The following HPCAL1 variants were observed in gnomAD, a reference collection of about 807,000 sequenced individuals.
The protein encoded by HPCAL1 is hippocalcin-like protein 1.
HPCAL1 carries 8 observed loss-of-function variants against 17.1 expected under a neutral mutation model. That is an observed-to-expected ratio of 0.47 (90% CI 0.27 to 0.84). The LOEUF (loss-of-function observed/expected upper bound fraction) is 0.84. Among genes scored for constraint, HPCAL1 ranks in the 40% least tolerant of loss-of-function variants. The pLI is 0.13. For synonymous variants in HPCAL1, 112 were observed against 111.4 expected, an observed-to-expected ratio of 1.01 and a Z score of -0.03; for missense variants, 165 against 271.1, an observed-to-expected ratio of 0.61 and a Z score of 2.75.
Position 10,426,862 on chromosome 2 carries a change from T to C in HPCAL1, c.*41T>C, listed in dbSNP as rs768560916. The C allele has an allele frequency of 3.9e-6, 6 of 1,542,814 alleles. No homozygotes were observed. In the African/African-American group the frequency reaches 6.8e-5, roughly 17 times the overall value. On this transcript the variant is annotated 3_prime_UTR_variant, in exon 5 of 5. Coordinates refer to ENST00000307845, the MANE Select transcript of HPCAL1 (RefSeq NM_002149.4). ...ACAGTTGCAGAGAAACACAGGCTTG[T>C]CGTGCCGTTTAAGCTTTGCTTGCAA...
intron 2 of HPCAL1, among the ~76,000 whole-genome samples, chr2:10,415,895 C>T (rs747402871): frequency 1.3e-5 from 2 of 152,248 alleles, no homozygotes; most frequent in African/African-American, 4.8e-5. Context: ...TCCATGGGCT[C>T]TGCGTGTGTA....
chr2:10,425,163 AGGAACTGGAAGTGG>A (rs1366451069), intron 4 of HPCAL1: 1 of 156,136 alleles, frequency 6.4e-6, no homozygotes, highest in Non-Finnish European at 1.4e-5. Flanking sequence ...GCCTGGGGTC[AGGAACTGGAAGTGG>A]GGAGGCTGGG....
intron 1 of HPCAL1, among the ~76,000 whole-genome samples, chr2:10,379,446 G>A (rs1667801301): frequency 6.6e-6 from 1 of 151,920 alleles, no homozygotes; most frequent in Non-Finnish European, 1.5e-5. Context: ...TTCTTGGTGG[G>A]CTGGGCTGGG....
intron 1 of HPCAL1, among the ~76,000 whole-genome samples, chr2:10,355,877 C>T (rs1348735418): frequency 6.6e-6 from 1 of 152,024 alleles, no homozygotes; most frequent in African/African-American, 2.4e-5. Flanking sequence ...AAACTGGTAC[C>T]TACTTTCCTC....
At chr2:10,373,595 T>TG (rs1259110247) in intron 1 of HPCAL1, among the ~76,000 whole-genome samples, 2 of 152,126 alleles carry the variant, frequency 1.3e-5, no homozygotes, top group South Asian at 2.1e-4. Context: ...TTTTGTTTTT[T>TG]TATGTTTCAG....
At chr2:10,391,282 G>A (rs966789791) in intron 1 of HPCAL1, among the ~76,000 whole-genome samples, 34 of 152,160 alleles carry the variant, frequency 2.2e-4, no homozygotes, top group African/African-American at 8.0e-4. Context: ...CCCTCTGTAA[G>A]GGGTGACAAG....
At position 10,427,029 on chromosome 2, in the gene HPCAL1, TC is replaced by T; in HGVS notation, c.*210del. Reference sequence around the variant, plus strand: ...TCCCCTCACGCCTGGCCCGGTCCCTTCCAGGGCAACTCCCAGGGATGTGGTG... The same window carrying T: ...TCCCCTCACGCCTGGCCCGGTCCCTTCAGGGCAACTCCCAGGGATGTGGTG... On this transcript the variant is annotated 3_prime_UTR_variant, in exon 5 of 5. Coordinates refer to ENST00000307845, the MANE Select transcript of HPCAL1 (RefSeq NM_002149.4). 1 of 572,090 alleles carries T rather than the reference TC, an allele frequency of 1.7e-6. No individual in the cohort carries two copies. The allele number at this position is 572,090 out of a possible 1,614,324, so 35.4% of individuals were successfully genotyped here. A position where few individuals can be genotyped will look rare whatever the true frequency, so the allele number is the denominator to read the frequency against.
intron 1 of HPCAL1, among the ~76,000 whole-genome samples, chr2:10,328,000 A>G (rs919925652): frequency 5.3e-5 from 8 of 152,232 alleles, no homozygotes; most frequent in African/African-American, 1.9e-4. Flanking sequence ...AGTTGAGGTC[A>G]TTTCTGTCCA....
At chr2:10,320,832 C>A (rs971112711) in intron 1 of HPCAL1, among the ~76,000 whole-genome samples, 1 of 152,200 alleles carries the variant, frequency 6.6e-6, no homozygotes, top group South Asian at 2.1e-4. Context: ...AGAAGACCTG[C>A]CCGCTCAGGG....
intron 1 of HPCAL1, among the ~76,000 whole-genome samples, chr2:10,348,537 G>A (rs1238913598): frequency 6.6e-6 from 1 of 152,070 alleles, no homozygotes; most frequent in Non-Finnish European, 1.5e-5. Context: ...ACCAAGGTGG[G>A]GGGATCGCTT....
intron 4 of HPCAL1, chr2:10,424,562 G>A (rs776677838): frequency 1.7e-4 from 78 of 471,102 alleles, no homozygotes; most frequent in African/African-American, 1.4e-3. Context: ...CTCGCTGCCC[G>A]AATCTGCCTC....
chr2:10,401,255 C>A (rs1669591708), intron 2 of HPCAL1, among the ~76,000 whole-genome samples: 1 of 152,214 alleles, frequency 6.6e-6, no homozygotes, highest in South Asian at 2.1e-4. Context: ...CCACACCAGG[C>A]ACAGGGCCTG....
At chr2:10,319,388 G>A (rs1663526375) in intron 1 of HPCAL1, among the ~76,000 whole-genome samples, 1 of 152,202 alleles carries the variant, frequency 6.6e-6, no homozygotes, top group Admixed American at 6.5e-5. Context: ...TTGTCTGCCA[G>A]GCAGGGGAGT....
chr2:10,376,775 TAA>T (rs1362606343), intron 1 of HPCAL1, among the ~76,000 whole-genome samples: 5 of 152,278 alleles, frequency 3.3e-5, no homozygotes, highest in African/African-American at 1.2e-4. Flanking sequence ...ATATTTTATT[TAA>T]GTTTGCCATA....
intron 1 of HPCAL1, among the ~76,000 whole-genome samples, chr2:10,306,046 T>G (rs532702751): frequency 9.7e-4 from 147 of 152,248 alleles, no homozygotes; most frequent in Admixed American, 1.7e-3. Context: ...TAAGACCCTT[T>G]TTGCTACTCA....
In HPCAL1 at chr2:10,367,246, G is replaced by A. The variant is rs1412837490; in HGVS notation, c.-110-29589G>A. ...GTTAGATATTTAATATACAGATGACGGGCGGATGGTAGTGTTGTTTTAAGG... is the reference window on the plus strand; with the variant it reads ...GTTAGATATTTAATATACAGATGACAGGCGGATGGTAGTGTTGTTTTAAGG... On this transcript the variant is annotated intron_variant, in intron 1 of 4. Coordinates refer to ENST00000307845, the MANE Select transcript of HPCAL1 (RefSeq NM_002149.4). This position sits in a 1 kb window ranked among gnomAD's most constrained non-coding sequence, Gnocchi z 4.4. Among the ~76,000 whole-genome samples, 3 of 151,902 alleles carry A rather than the reference G, an allele frequency of 2.0e-5. No homozygotes were observed. The highest frequency in any genetic ancestry group is 6.6e-5 in the Admixed American group (1 of 15,236).
At chr2:10,335,674 G>A (rs535910388) in intron 1 of HPCAL1, among the ~76,000 whole-genome samples, 9 of 152,250 alleles carry the variant, frequency 5.9e-5, no homozygotes, top group Admixed American at 3.3e-4. Context: ...GTATTCTCAC[G>A]CTCAACAGTA....
chr2:10,393,291 G>A (rs1668819388), intron 1 of HPCAL1, among the ~76,000 whole-genome samples: 1 of 152,230 alleles, frequency 6.6e-6, no homozygotes, highest in African/African-American at 2.4e-5. Context: ...GATAGAGCCA[G>A]GAGGAAATTT....
chr2:10,404,855 G>A (rs930693522), intron 2 of HPCAL1, among the ~76,000 whole-genome samples: 6 of 152,140 alleles, frequency 3.9e-5, no homozygotes, highest in Non-Finnish European at 1.5e-5. Context: ...TTTTAATGCC[G>A]CTGCTTGGGT....
Sources: allele counts gnomAD v4.1 joint callset (sites outside exome capture counted in the v4.1 genomes callset), GRCh38; gene constraint gnomAD v4.1.1; non-coding constraint Gnocchi (gnomAD v3.1); transcripts MANE v1.5; gene names NCBI Gene and HGNC (gene_info 2026-07-23, HGNC 2026-07-21).